The following FYB1 variants were observed in gnomAD, a reference collection of about 807,000 sequenced individuals.
The protein encoded by FYB1 is FYN-binding protein 1.
In FYB1, 41 loss-of-function variants were observed where a neutral mutation model predicts 94.1. That is an observed-to-expected ratio of 0.44 (90% confidence interval 0.34 to 0.57). FYB1 has a LOEUF of 0.57. Among genes scored for constraint, FYB1 ranks in the 20% least tolerant of loss-of-function variants. The pLI is 0.02. For synonymous variants in FYB1, 367 were observed against 353.2 expected (o/e 1.04, Z -0.44); for missense variants, 1,050 against 976.8 (o/e 1.07, Z -1.00).
At chr5:39,224,877 A>G (rs1391389971) in intron 1 of FYB1, among the ~76,000 whole-genome samples, 1 of 152,174 alleles carries the variant, frequency 6.6e-6, no homozygotes, top group African/African-American at 2.4e-5. Flanking sequence ...CCAAGTAGGA[A>G]ACTACTTGGT....
chr5:39,253,027 T>C (rs1360877860), intron 1 of FYB1, among the ~76,000 whole-genome samples: 1 of 152,246 alleles, frequency 6.6e-6, no homozygotes, highest in Non-Finnish European at 1.5e-5. Flanking sequence ...AACCTTGATA[T>C]AGCTCAGGAC....
At position 39,202,943 on chromosome 5, in the gene FYB1, C is replaced by G. The variant is rs16868323; in HGVS notation, c.18G>C (p.Thr6=). 1 of 1,613,880 alleles carries G rather than the reference C, an allele frequency of 6.2e-7. No homozygotes were observed. The highest frequency in any genetic ancestry group is 8.5e-7 in the Non-Finnish European group (1 of 1,179,880). MAKYN[T]GGNPTEDVSV... ...AGACATCCTCTGTCGGGTTGCCCCC[C>G]GTGTTATATTTCGCCATGAGGGACT... The change falls in exon 2 of 19, where the codon ACG becomes ACC. Residue 6 remains threonine (T), a synonymous_variant. Transcript: ENST00000512982.
intron 1 of FYB1, among the ~76,000 whole-genome samples, chr5:39,232,512 A>G (rs1359107611): frequency 6.9e-6 from 1 of 144,676 alleles, no homozygotes; most frequent in East Asian, 2.1e-4. Flanking sequence ...ACATTTTAGC[A>G]TAAACATTTA....
intron 7 of FYB1, among the ~76,000 whole-genome samples, chr5:39,135,899 C>A (rs1741637128): frequency 6.6e-6 from 1 of 151,944 alleles, no homozygotes; most frequent in Non-Finnish European, 1.5e-5. Context: ...TTTTGACAGA[C>A]TTTTGAGTTC....
intron 1 of FYB1, among the ~76,000 whole-genome samples, chr5:39,248,087 G>A (rs1449436213): frequency 6.6e-6 from 1 of 152,012 alleles, no homozygotes; most frequent in African/African-American, 2.4e-5. Flanking sequence ...GAGTCAGGTG[G>A]AAGCACTCCA....
chr5:39,155,663 G>A (rs1011590006), intron 2 of FYB1, among the ~76,000 whole-genome samples: 37 of 151,766 alleles, frequency 2.4e-4, no homozygotes, highest in Admixed American at 2.4e-3. Flanking sequence ...CTCCTACTTC[G>A]CTGTGGCTTA....
At chr5:39,192,223 C>T (rs1747430496) in intron 2 of FYB1, among the ~76,000 whole-genome samples, 1 of 152,036 alleles carries the variant, frequency 6.6e-6, no homozygotes. Context: ...TCAGAAAGAG[C>T]CTTTATTTTT....
intron 2 of FYB1, among the ~76,000 whole-genome samples, chr5:39,154,538 G>T (rs959611327): frequency 1.3e-5 from 2 of 148,602 alleles, no homozygotes; most frequent in South Asian, 4.2e-4. Flanking sequence ...AGGGAGTCTA[G>T]CTCTGTCGCC....
chr5:39,131,396 C>T (rs1741194855), intron 9 of FYB1, among the ~76,000 whole-genome samples: 1 of 152,112 alleles, frequency 6.6e-6, no homozygotes, highest in Non-Finnish European at 1.5e-5. Flanking sequence ...ACTTTTACAC[C>T]TAGCTGCACT....
At chr5:39,237,752 T>C (rs1179547470) in intron 1 of FYB1, among the ~76,000 whole-genome samples, 1 of 152,086 alleles carries the variant, frequency 6.6e-6, no homozygotes, top group Non-Finnish European at 1.5e-5. Context: ...ATATGAAACA[T>C]TCATACAAAT....
At chr5:39,259,592 T>C (rs981362400) in intron 1 of FYB1, among the ~76,000 whole-genome samples, 1 of 152,126 alleles carries the variant, frequency 6.6e-6, no homozygotes, top group Non-Finnish European at 1.5e-5. Flanking sequence ...AAACTATTAA[T>C]GACAAAGTGA....
chr5:39,107,756 T>G (rs1738659139), intron 18 of FYB1, among the ~76,000 whole-genome samples: 1 of 151,956 alleles, frequency 6.6e-6, no homozygotes, highest in Admixed American at 6.6e-5. Flanking sequence ...CTGAACGAGG[T>G]TGAAGATATT....
At position 39,127,772 on chromosome 5, in the gene FYB1, C is replaced by G. The variant is rs1467083960; in HGVS notation, c.1876G>C (p.Asp626His). ...FPPPPDDDIY[D>H]GIEEEDADDG... ...TCAGCATCTTCCTCTTCAATCCCATCATAAATGTCATCATCTGGTGGTGGA... is the reference window on the plus strand; with the variant it reads ...TCAGCATCTTCCTCTTCAATCCCATGATAAATGTCATCATCTGGTGGTGGA... Residue 626 changes from aspartate (D) to histidine (H), a missense_variant, in exon 11 of 19, where the codon GAT becomes CAT. Asp to His is a moderately conservative substitution (Grantham distance 81). Coordinates refer to ENST00000512982, the MANE Select transcript of FYB1 (RefSeq NM_001465.6). The G allele has an allele frequency of 1.2e-6, 2 of 1,604,466 alleles. No individual in the cohort carries two copies. Among genetic ancestry groups the G allele is most frequent in the Admixed American group, 1.7e-5 (1 of 58,676 alleles).
intron 1 of FYB1, among the ~76,000 whole-genome samples, chr5:39,234,001 C>T (rs778210905): frequency 1.8e-4 from 27 of 152,116 alleles, no homozygotes; most frequent in Non-Finnish European, 3.7e-4. Flanking sequence ...ACTGCTCTGG[C>T]CTTTCTCTAG....
chr5:39,214,240 A>G (rs1209718203), intron 1 of FYB1, among the ~76,000 whole-genome samples: 1 of 152,262 alleles, frequency 6.6e-6, no homozygotes, highest in Non-Finnish European at 1.5e-5. Flanking sequence ...GCAGAAAATA[A>G]CGAGTGTTGG....
chr5:39,227,616 T>C (rs1158587105), intron 1 of FYB1, among the ~76,000 whole-genome samples: 1 of 152,254 alleles, frequency 6.6e-6, no homozygotes, highest in Non-Finnish European at 1.5e-5. Context: ...CTAAAGTGAA[T>C]TCATGTAATG....
At chr5:39,235,038 C>T (rs13361648) in intron 1 of FYB1, among the ~76,000 whole-genome samples, 6 of 131,960 alleles carry the variant, frequency 4.5e-5, no homozygotes, top group Admixed American at 8.7e-5. Context: ...CATATGTATC[C>T]AAGAACTTAA....
chr5:39,226,418 T>A (rs1166376760), intron 1 of FYB1, among the ~76,000 whole-genome samples: 1 of 152,164 alleles, frequency 6.6e-6, no homozygotes, highest in African/African-American at 2.4e-5. Context: ...AAAAATCAAC[T>A]CTTTAAGAGT....
At chr5:39,164,548 C>A (rs556658202) in intron 2 of FYB1, among the ~76,000 whole-genome samples, 2 of 152,198 alleles carry the variant, frequency 1.3e-5, no homozygotes, top group East Asian at 3.9e-4. Context: ...CCTCAGCCTC[C>A]TGAGTAGCTG....
Sources: allele counts gnomAD v4.1 joint callset (sites outside exome capture counted in the v4.1 genomes callset), GRCh38; gene constraint gnomAD v4.1.1; transcripts MANE v1.5; gene names NCBI Gene and HGNC (gene_info 2026-07-23, HGNC 2026-07-21).